The following DOCK8 variants were observed in gnomAD, a reference collection of about 807,000 sequenced individuals.
DOCK8 encodes dedicator of cytokinesis protein 8.
Under a neutral mutation model 245.6 loss-of-function variants are expected in DOCK8, and 141 were observed. The ratio of observed to expected loss-of-function variants is 0.57; its 90% CI spans 0.50 to 0.66. DOCK8 has a LOEUF of 0.66. DOCK8 is among the 30% of genes least tolerant of loss of function. The pLI is 0.00. For missense variants in DOCK8, 2,965 were observed against 2,603.4 expected (o/e 1.14, Z -3.02); for synonymous variants, 1,168 against 970.2 (o/e 1.20, Z -3.79).
At chr9:384,786 G>T (rs1294060576) in intron 22 of DOCK8, among the ~76,000 whole-genome samples, 2 of 151,996 alleles carry the variant, frequency 1.3e-5, no homozygotes, top group Non-Finnish European at 2.9e-5. Flanking sequence ...CGTGGTGGCG[G>T]GCGCCTGTAA....
chr9:400,977 T>TCACCACCTCCAC (rs1554692560), intron 26 of DOCK8, among the ~76,000 whole-genome samples: 2 of 65,816 alleles, frequency 3.0e-5, no homozygotes, highest in South Asian at 1.0e-3. Context: ...TCCTCCACCA[T>TCACCACCTCCAC]CACCACCTCC....
At chr9:384,776 C>A (rs575913590) in intron 22 of DOCK8, among the ~76,000 whole-genome samples, 1 of 152,076 alleles carries the variant, frequency 6.6e-6, no homozygotes, top group African/African-American at 2.4e-5. Context: ...ATTAGCCGGG[C>A]GTGGTGGCGG....
At chr9:446,296 T>C (rs2057256314) in intron 43 of DOCK8, 74 bp from the exon 44 acceptor site, 1 of 1,246,052 alleles carries the variant, frequency 8.0e-7, no homozygotes, top group African/African-American at 1.5e-5. Context: ...TGTTCCTGCA[T>C]GCCCCTCCAT....
chr9:216,656 A>T (rs528029592), intron 1 of DOCK8, among the ~76,000 whole-genome samples: 1 of 152,014 alleles, frequency 6.6e-6, no homozygotes, highest in African/African-American at 2.4e-5. Flanking sequence ...AATTCATTCA[A>T]GGAGTATAGG....
At chr9:342,704 G>C (rs1218656957) in intron 14 of DOCK8, among the ~76,000 whole-genome samples, 1 of 151,558 alleles carries the variant, frequency 6.6e-6, no homozygotes, top group African/African-American at 2.4e-5. Context: ...TCCTGACCTC[G>C]TGATCCACCT....
intron 1 of DOCK8, among the ~76,000 whole-genome samples, chr9:255,965 A>C (rs1183457430): frequency 1.3e-5 from 2 of 152,162 alleles, no homozygotes; most frequent in African/African-American, 2.4e-5. Context: ...CAAATATCCT[A>C]ATAGTTGTCA....
intron 23 of DOCK8, among the ~76,000 whole-genome samples, chr9:386,757 C>A (rs1299208940): frequency 6.6e-6 from 1 of 152,184 alleles, no homozygotes; most frequent in Non-Finnish European, 1.5e-5. Flanking sequence ...TAACAAGTTC[C>A]CAGCTGATGC....
At chr9:229,596 T>C (rs1345331594) in intron 1 of DOCK8, among the ~76,000 whole-genome samples, 2 of 152,224 alleles carry the variant, frequency 1.3e-5, no homozygotes, top group East Asian at 1.9e-4. Flanking sequence ...CTAAATTAAA[T>C]GATAAAGAGT....
chr9:215,321 T>C, intron 1 of DOCK8: 10 of 1,603,718 alleles, frequency 6.2e-6, no homozygotes, highest in Non-Finnish European at 8.5e-6. Flanking sequence ...CCCTCCAGGT[T>C]CTTACAGGTG....
intron 4 of DOCK8, among the ~76,000 whole-genome samples, chr9:292,090 A>AAAAT (rs68096030): frequency 2.7e-5 from 4 of 148,168 alleles, no homozygotes; most frequent in Non-Finnish European, 6.0e-5. Context: ...AAAAAAAAAA[A>AAAAT]GCCAGGCACG....
At chr9:317,960 T>G (rs561308768) in intron 7 of DOCK8, among the ~76,000 whole-genome samples, 1 of 118,140 alleles carries the variant, frequency 8.5e-6, no homozygotes, top group Non-Finnish European at 1.7e-5. Flanking sequence ...ACGTTTCAAT[T>G]GTATACTATG....
chr9:283,767 T>C (rs1258757496), intron 2 of DOCK8, among the ~76,000 whole-genome samples: 2 of 152,240 alleles, frequency 1.3e-5, no homozygotes, highest in Non-Finnish European at 2.9e-5. Flanking sequence ...GGCACAAAAT[T>C]ATTAAAAATA....
intron 5 of DOCK8, among the ~76,000 whole-genome samples, chr9:305,852 C>T (rs949917116): frequency 6.6e-6 from 1 of 151,636 alleles, no homozygotes; most frequent in African/African-American, 2.4e-5. Flanking sequence ...GCATTATTCA[C>T]AGCAGCCAAA....
chr9:289,406 C>G (rs771384749), intron 3 of DOCK8, 104 bp from the exon 4 acceptor site: 1 of 897,778 alleles, frequency 1.1e-6, no homozygotes, highest in Non-Finnish European at 1.8e-6. Context: ...AGCATTCTCA[C>G]TGATAAGGAT....
intron 4 of DOCK8, 101 bp from the exon 5 acceptor site, chr9:304,480 G>A: frequency 6.7e-7 from 1 of 1,496,466 alleles, no homozygotes; most frequent in Admixed American, 1.7e-5. Context: ...AGCTCTCTCA[G>A]CACCATGTCT....
rs57457383 is a variant in DOCK8 at position 444,365 on chromosome 9, T to TAATAATAA, written c.5580+849_5580+850insAATAATAA. Among the ~76,000 whole-genome samples, 81 of 150,116 alleles carry TAATAATAA rather than the reference T, an allele frequency of 5.4e-4. 1 individual carries two copies. The highest frequency in any genetic ancestry group is 4.7e-4 in the Admixed American group (7 of 15,008). ...ATAATAATAATAATAATAATAATAA[T>TAATAATAA]TTGGGAGTTTCTATGATACCTGTTA... On this transcript the variant is annotated intron_variant, in intron 43 of 47. Coordinates refer to ENST00000432829, the MANE Select transcript of DOCK8 (RefSeq NM_203447.4).
At chr9:393,533 C>G (rs1365377015) in intron 24 of DOCK8, among the ~76,000 whole-genome samples, 1 of 152,158 alleles carries the variant, frequency 6.6e-6, no homozygotes. Context: ...TCCAAGTCAG[C>G]CAAATGCTTC....
chr9:400,354 T>TCCTCCACCATCACCACCA (rs1554691754), intron 26 of DOCK8, among the ~76,000 whole-genome samples: 2 of 10,340 alleles, frequency 1.9e-4, no homozygotes, highest in Non-Finnish European at 3.0e-4. Flanking sequence ...CACCACCACC[T>TCCTCCACCATCACCACCA]CCTCCACCAT....
chr9:402,997 C>T (rs2055185710), intron 26 of DOCK8, among the ~76,000 whole-genome samples: 1 of 152,240 alleles, frequency 6.6e-6, no homozygotes, highest in Non-Finnish European at 1.5e-5. Context: ...TCAAGCGATT[C>T]TCCTTCCTCA....
Sources: gnomAD v4.1 joint callset for allele counts (sites outside exome capture counted in the v4.1 genomes callset) on GRCh38, gnomAD v4.1.1 for gene constraint, MANE v1.5 for transcripts, NCBI Gene and HGNC (gene_info 2026-07-23, HGNC 2026-07-21) for gene names.